The following RNF216 variants were observed in gnomAD, a reference collection of about 807,000 sequenced individuals.
RNF216 encodes the protein ring finger protein 216, also known as E3 ubiquitin-protein ligase RNF216.
A neutral mutation model predicts 110.8 loss-of-function variants in RNF216; 72 were observed. That is an observed-to-expected ratio of 0.65 (90% CI 0.54 to 0.79). The LOEUF (loss-of-function observed/expected upper bound fraction) is 0.79, where lower values mean the gene tolerates loss of function less well. RNF216 is among the 30% of genes least tolerant of loss of function. The pLI is 0.00. For synonymous variants in RNF216, 495 were observed against 407.5 expected (o/e 1.21, Z -2.59); for missense variants, 1,342 against 1,141.2 (o/e 1.18, Z -2.54).
intron 7 of RNF216, among the ~76,000 whole-genome samples, chr7:5,727,912 AAAGTCCTATCACC>A (rs1175206372): frequency 4.0e-5 from 6 of 151,704 alleles, no homozygotes; most frequent in Non-Finnish European, 8.8e-5. Context: ...GATGACTCTC[AAAGTCCTATCACC>A]ATAAAACCCA....
chr7:5,726,895 C>T (rs984738056), intron 7 of RNF216, among the ~76,000 whole-genome samples: 4 of 151,492 alleles, frequency 2.6e-5, no homozygotes, highest in African/African-American at 7.3e-5. Context: ...CTTTGCCATC[C>T]TAAAAACAGG....
chr7:5,642,778 T>A (rs1443664336), intron 14 of RNF216, among the ~76,000 whole-genome samples: 2 of 152,204 alleles, frequency 1.3e-5, no homozygotes, highest in African/African-American at 4.8e-5. Flanking sequence ...TGCGCCCAGC[T>A]AGACTCAAGG....
chr7:5,709,341 G>C (rs998930452), intron 13 of RNF216, among the ~76,000 whole-genome samples: 15 of 152,186 alleles, frequency 9.9e-5, no homozygotes, highest in African/African-American at 3.4e-4. Context: ...GCTGTGCCAG[G>C]GGGAGGAACT....
chr7:5,627,015 C>G (rs1444388283), intron 15 of RNF216, among the ~76,000 whole-genome samples: 2 of 152,214 alleles, frequency 1.3e-5, no homozygotes, highest in Admixed American at 1.3e-4. Context: ...TGCACAACCA[C>G]CACTCTGCCT....
chr7:5,655,587 C>T lies in RNF216; in HGVS notation c.2062-3077G>A, dbSNP rs145074036. On this transcript the variant is annotated intron_variant, in intron 13 of 16. Coordinates refer to ENST00000389902, the MANE Select transcript of RNF216 (RefSeq NM_207111.4). ...CACCACTGCACTCCAGCCTGGGCAA[C>T]AGAGCAAGACTCCATCTCAAAAAAA... 1.3e-3 allele frequency among the ~76,000 whole-genome samples: 197 copies of T among 151,998 alleles called. 1 individual carries two copies. The highest frequency in any genetic ancestry group is 4.5e-3 in the African/African-American group (186 of 41,432).
chr7:5,729,650 A>C, intron 6 of RNF216, 54 bp from the exon 7 acceptor site: 1 of 1,416,336 alleles, frequency 7.1e-7, no homozygotes. Flanking sequence ...TTTCCCATAC[A>C]GGGGAAATCA....
chr7:5,679,222 T>C (rs531166750), intron 13 of RNF216, among the ~76,000 whole-genome samples: 23 of 152,132 alleles, frequency 1.5e-4, no homozygotes, highest in African/African-American at 5.3e-4. Context: ...GGGGGGGCGG[T>C]GCACACAGCT....
chr7:5,745,725 C>A (rs978906960), intron 3 of RNF216, among the ~76,000 whole-genome samples: 1 of 151,942 alleles, frequency 6.6e-6, no homozygotes, highest in South Asian at 2.1e-4. Flanking sequence ...CATGGTGAAA[C>A]CCCATCTCTA....
chr7:5,675,745 T>C (rs1416178422), intron 13 of RNF216, among the ~76,000 whole-genome samples: 2 of 146,392 alleles, frequency 1.4e-5, no homozygotes. Flanking sequence ...GTTTCGCTCT[T>C]GTTGCCCAGG....
At chr7:5,734,162 G>T (rs1393546263) in intron 5 of RNF216, among the ~76,000 whole-genome samples, 1 of 152,130 alleles carries the variant, frequency 6.6e-6, no homozygotes, top group Non-Finnish European at 1.5e-5. Context: ...GAGACAAGCA[G>T]GAGAATGTTC....
chr7:5,664,660 G>A (rs573396190), intron 13 of RNF216, among the ~76,000 whole-genome samples: 2 of 152,314 alleles, frequency 1.3e-5, no homozygotes, highest in South Asian at 2.1e-4. Context: ...AACACCCCCA[G>A]GGGCTGTGGA....
At position 5,759,633 on chromosome 7, in the gene RNF216, C is replaced by CTTCTTTTTTTTT. The variant is rs59390560; in HGVS notation, c.67+1369_67+1370insAAAAAAAAAGAA. 3.8e-5 allele frequency among the ~76,000 whole-genome samples: 5 copies of CTTCTTTTTTTTT among 131,176 alleles called. 1 individual carries two copies. Among genetic ancestry groups the CTTCTTTTTTTTT allele is most frequent in the Non-Finnish European group, 4.7e-5 (3 of 63,360 alleles). The allele number at this position is 131,176 out of a possible 152,430, so 86.1% of individuals were successfully genotyped here. On this transcript the variant is annotated intron_variant, in intron 2 of 16. Coordinates refer to ENST00000389902, the MANE Select transcript of RNF216 (RefSeq NM_207111.4). ...AAGTTTTGGTGGAGTCATTTTTCTT[C>CTTCTTTTTTTTT]TTTTTTTTTTTTTTTTGAGACGGAG...
At position 5,712,719 on chromosome 7, in the gene RNF216, C is replaced by G. The variant is rs1408199958; in HGVS notation, c.1978G>C (p.Val660Leu). The change falls in exon 12 of 17, where the codon GTC (valine) becomes CTC (leucine). Residue 660 changes from valine to leucine, a missense_variant. Val to Leu is a conservative substitution (Grantham distance 32, BLOSUM62 1). Coordinates refer to ENST00000389902, the MANE Select transcript of RNF216 (RefSeq NM_207111.4). ...EVAAAYADELVRCPSCSFPAL... is the reference protein window; with the variant it reads ...EVAAAYADELLRCPSCSFPAL... ...ACGCTCTGCCTGAGAACGAACCTGA[C>G]AAGCTCGTCGGCGTAGGCTGCCGCA... 6 of 1,613,898 alleles carry G rather than the reference C, an allele frequency of 3.7e-6. No individual in the cohort carries two copies. The African/African-American group carries it at 4.0e-5, about 11-fold the overall frequency.
intron 5 of RNF216, 28 bp downstream of exon 5, chr7:5,739,248 C>T: frequency 6.6e-7 from 1 of 1,506,654 alleles, no homozygotes; most frequent in Non-Finnish European, 8.8e-7. Context: ...CCACCACCAC[C>T]ACAAAAAAAG....
At position 5,752,122 on chromosome 7, in the gene RNF216, T is replaced by C. The variant is rs545208732; in HGVS notation, c.201+724A>G. 4.6e-5 allele frequency among the ~76,000 whole-genome samples: 7 copies of C among 151,768 alleles called. No homozygotes were observed. In the South Asian group the frequency reaches 8.3e-4, roughly 18 times the overall value. On this transcript the variant is annotated intron_variant, in intron 3 of 16. Coordinates refer to ENST00000389902, the MANE Select transcript of RNF216 (RefSeq NM_207111.4). ...ATTGCTTGAAACCAGAAGGCGGAGG[T>C]TGCAGTGAGCCAAGATCGCGCCACT...
chr7:5,691,435 G>A (rs975936986), intron 13 of RNF216, among the ~76,000 whole-genome samples: 15 of 151,202 alleles, frequency 9.9e-5, no homozygotes, highest in East Asian at 2.0e-4. Context: ...AGATGAATGC[G>A]TAAGTGTACA....
chr7:5,694,110 T>C (rs1432841447), intron 13 of RNF216, among the ~76,000 whole-genome samples: 1 of 152,182 alleles, frequency 6.6e-6, no homozygotes, highest in Non-Finnish European at 1.5e-5. Flanking sequence ...AGCTCTTTGA[T>C]AGATCAAGAT....
At chr7:5,675,952 G>A (rs765781602) in intron 13 of RNF216, among the ~76,000 whole-genome samples, 5 of 151,066 alleles carry the variant, frequency 3.3e-5, no homozygotes, top group South Asian at 2.1e-4. Flanking sequence ...CAGATGATCC[G>A]CCCACCTCAG....
chr7:5,632,311 A>G (rs143882805), intron 15 of RNF216, among the ~76,000 whole-genome samples: 314 of 152,288 alleles, frequency 2.1e-3, no homozygotes, highest in African/African-American at 7.2e-3. Flanking sequence ...GGTTTCTGGC[A>G]CAGGCCTTAA....
Sources: gnomAD v4.1 joint callset for allele counts (sites outside exome capture counted in the v4.1 genomes callset) on GRCh38, gnomAD v4.1.1 for gene constraint, MANE v1.5 for transcripts, NCBI Gene and HGNC (gene_info 2026-07-23, HGNC 2026-07-21) for gene names.